Variants in ADCK1 observed in about 807,000 individuals in gnomAD.
ADCK1 encodes the protein aarF domain containing kinase 1, also known as aarF domain-containing protein kinase 1.
In ADCK1, 41 loss-of-function variants were observed where a neutral mutation model predicts 52.3. The observed-to-expected ratio is 0.78, with a 90% confidence interval of 0.61 to 1.02. The LOEUF (loss-of-function observed/expected upper bound fraction) is 1.02. Among genes scored for constraint, ADCK1 ranks in the 50% least tolerant of loss-of-function variants. The pLI is 0.00. For missense variants in ADCK1, 658 were observed against 679.5 expected (o/e 0.97, Z 0.35); for synonymous variants, 250 against 274.6 (o/e 0.91, Z 0.89).
chr14:77,800,954 A>G (rs1594831316), intron 1 of ADCK1, among the ~76,000 whole-genome samples: 2 of 152,130 alleles, frequency 1.3e-5, no homozygotes, highest in Admixed American at 6.6e-5. Context: ...TTGGGGCTGG[A>G]TGTGGTGGCT....
intron 3 of ADCK1, among the ~76,000 whole-genome samples, chr14:77,853,850 C>A (rs1170298140): frequency 1.3e-5 from 2 of 152,148 alleles, no homozygotes; most frequent in Admixed American, 1.3e-4. Flanking sequence ...GTCCCTTGAA[C>A]TCTTTCTGGA....
intron 1 of ADCK1, among the ~76,000 whole-genome samples, chr14:77,812,839 C>T (rs937696224): frequency 6.6e-6 from 1 of 152,056 alleles, no homozygotes; most frequent in African/African-American, 2.4e-5. Context: ...ATCTGCCCGC[C>T]TCGGCCTCCC....
intron 3 of ADCK1, among the ~76,000 whole-genome samples, chr14:77,851,071 T>C (rs1411199144): frequency 6.6e-6 from 1 of 152,132 alleles, no homozygotes; most frequent in African/African-American, 2.4e-5. Flanking sequence ...TTTAACCTAT[T>C]TGTGTTTTTA....
rs543329191 is a variant in ADCK1 at position 77,835,081 on chromosome 14, A to G, written c.219+12563A>G. 5.9e-5 allele frequency among the ~76,000 whole-genome samples: 9 copies of G among 152,280 alleles called. No homozygotes were observed. The Middle Eastern group carries it at 0.01, about 173-fold the overall frequency. ...AATGGATGTGGCAACATCATGAGAG[A>G]TGCGGGGTAGGCATAAGCTAGGACT... On this transcript the variant is annotated intron_variant, in intron 3 of 10. Transcript: ENST00000238561.
At chr14:77,882,450 T>C (rs973459252) in intron 4 of ADCK1, among the ~76,000 whole-genome samples, 3 of 152,242 alleles carry the variant, frequency 2.0e-5, no homozygotes, top group Non-Finnish European at 4.4e-5. Context: ...GTTTGTGAGA[T>C]GCATTATTGA....
chr14:77,846,460 G>A (rs1044139314), intron 3 of ADCK1, among the ~76,000 whole-genome samples: 20 of 152,172 alleles, frequency 1.3e-4, no homozygotes, highest in African/African-American at 4.6e-4. Flanking sequence ...GCCAGGCCTG[G>A]TGTGATGGGG....
At chr14:77,931,847 C>A (rs11625898) in intron 10 of ADCK1, 136 bp downstream of exon 10, 133,054 of 948,170 alleles carry the variant, frequency 0.14, 10,392 homozygotes, top group African/African-American at 0.24. Flanking sequence ...TCCCTGCAGG[C>A]AAAGTTAAAG....
intron 1 of ADCK1, among the ~76,000 whole-genome samples, chr14:77,800,681 G>A (rs2081090485): frequency 6.6e-6 from 1 of 152,254 alleles, no homozygotes; most frequent in Non-Finnish European, 1.5e-5. Context: ...ATCTTGCAGG[G>A]CCCTGGGCTT....
intron 3 of ADCK1, among the ~76,000 whole-genome samples, chr14:77,852,656 AATAAATATATATATATATATATATATAT>A (rs1291790133): frequency 1.4e-3 from 36 of 26,188 alleles, no homozygotes; most frequent in Admixed American, 3.9e-3. Context: ...TCTTTAAATA[AATAAATATATATATATATATATATATAT>A]ATATATATAT....
intron 5 of ADCK1, among the ~76,000 whole-genome samples, chr14:77,893,088 C>A (rs1017471107): frequency 6.6e-6 from 1 of 152,166 alleles, no homozygotes; most frequent in African/African-American, 2.4e-5. Context: ...GATGTTTTTT[C>A]AGCTTTGTCA....
intron 4 of ADCK1, among the ~76,000 whole-genome samples, chr14:77,876,595 A>C (rs2082904792): frequency 6.6e-6 from 1 of 152,192 alleles, no homozygotes; most frequent in Non-Finnish European, 1.5e-5. Context: ...ACAACTGGTT[A>C]CCTCTGTAGT....
chr14:77,922,476 A>G (rs773626938), intron 7 of ADCK1, among the ~76,000 whole-genome samples: 1 of 152,186 alleles, frequency 6.6e-6, no homozygotes, highest in Non-Finnish European at 1.5e-5. Flanking sequence ...TGTTATGAGG[A>G]ATCGGGGGCG....
At chr14:77,876,979 C>T (rs772265109) in intron 4 of ADCK1, among the ~76,000 whole-genome samples, 2 of 152,226 alleles carry the variant, frequency 1.3e-5, no homozygotes, top group Non-Finnish European at 2.9e-5. Flanking sequence ...CTTTGGGAGG[C>T]CAAGGCGGGT....
intron 1 of ADCK1, among the ~76,000 whole-genome samples, chr14:77,816,554 G>A (rs1476858694): frequency 3.3e-5 from 5 of 152,180 alleles, no homozygotes; most frequent in African/African-American, 7.2e-5. Flanking sequence ...GGAGATTTGC[G>A]GAGTGTGGTG....
intron 6 of ADCK1, chr14:77,900,418 C>G: frequency 3.2e-6 from 1 of 311,914 alleles, no homozygotes; most frequent in Non-Finnish European, 6.3e-6. Context: ...GAAACCCTGT[C>G]TCTACTAAAA....
At chr14:77,885,539 C>T (rs117681080) in intron 4 of ADCK1, among the ~76,000 whole-genome samples, 9 of 152,032 alleles carry the variant, frequency 5.9e-5, no homozygotes, top group Non-Finnish European at 8.8e-5. Context: ...ATTTATGAGA[C>T]GAGATTAGGA....
At position 77,858,342 on chromosome 14, in the gene ADCK1, A is replaced by G. The variant is rs540507344; in HGVS notation, c.220-734A>G. 8.2e-4 allele frequency among the ~76,000 whole-genome samples: 124 copies of G among 152,128 alleles called. 1 individual carries two copies. The highest frequency in any genetic ancestry group is 7.8e-3 in the Admixed American group (119 of 15,288). Reference sequence around the variant, plus strand: ...AACCTCCGCCTCCTGGGTTCAAGCAATTCTCTGCCTTAGCCTCCCAAGTAG... The same window carrying G: ...AACCTCCGCCTCCTGGGTTCAAGCAGTTCTCTGCCTTAGCCTCCCAAGTAG... On this transcript the variant is annotated intron_variant, in intron 3 of 10. Coordinates refer to ENST00000238561, the MANE Select transcript of ADCK1 (RefSeq NM_020421.4).
rs1284094510 is a variant in ADCK1 at position 77,934,914 on chromosome 14, T to C, written c.*1523T>C. 6.6e-6 allele frequency: 1 copy of C among 152,258 alleles called. No individual in the cohort carries two copies. The highest frequency in any genetic ancestry group is 1.5e-5 in the Non-Finnish European group (1 of 68,046). 9.4% of individuals were successfully genotyped at this position (152,258 alleles called of 1,614,324 possible). A position where few individuals can be genotyped will look rare whatever the true frequency, so the allele number is the denominator to read the frequency against. ...CACCCAGGGACCTGAGAGTATAATTTGCAATATCTGATTATTAATCTTGAG... is the reference window on the plus strand; with the variant it reads ...CACCCAGGGACCTGAGAGTATAATTCGCAATATCTGATTATTAATCTTGAG... On this transcript the variant is annotated 3_prime_UTR_variant, in exon 11 of 11. Coordinates refer to ENST00000238561, the MANE Select transcript of ADCK1 (RefSeq NM_020421.4).
intron 3 of ADCK1, among the ~76,000 whole-genome samples, chr14:77,857,700 G>A (rs2082450437): frequency 6.6e-6 from 1 of 152,192 alleles, no homozygotes; most frequent in Non-Finnish European, 1.5e-5. Flanking sequence ...ATCTTTGAAT[G>A]CTTTTTCCAC....
Sources: allele counts gnomAD v4.1 joint callset (sites outside exome capture counted in the v4.1 genomes callset), GRCh38; gene constraint gnomAD v4.1.1; transcripts MANE v1.5; gene names NCBI Gene and HGNC (gene_info 2026-07-23, HGNC 2026-07-21).